IQCJ: variants seen among roughly 807,000 people sequenced by gnomAD.
IQCJ encodes IQ motif containing J, also known as IQ domain-containing protein J.
A neutral mutation model predicts 11.0 loss-of-function variants in IQCJ; 9 were observed. That is an observed-to-expected ratio of 0.82 (90% CI 0.49 to 1.43). The LOEUF (loss-of-function observed/expected upper bound fraction) is 1.43, where lower values mean the gene tolerates loss of function less well. IQCJ is among the 40% of genes most tolerant of loss of function. IQCJ has a pLI of 0.00. For synonymous variants in IQCJ, 55 were observed against 51.3 expected (o/e 1.07, Z -0.31); for missense variants, 146 against 133.2 (o/e 1.10, Z -0.47).
At chr3:159,190,404 T>C (rs1723612751) in intron 1 of IQCJ, among the ~76,000 whole-genome samples, 3 of 152,334 alleles carry the variant, frequency 2.0e-5, no homozygotes, top group Admixed American at 2.0e-4. Context: ...AGTGCTGACT[T>C]CCGAGATTTA....
chr3:159,191,593 G>C (rs1723694648), intron 1 of IQCJ, among the ~76,000 whole-genome samples: 1 of 152,168 alleles, frequency 6.6e-6, no homozygotes, highest in Non-Finnish European at 1.5e-5. Context: ...CAGTTTATTA[G>C]AGTGAGTTCA....
chr3:159,082,181 A>G (rs1008059749), intron 1 of IQCJ, among the ~76,000 whole-genome samples: 24 of 152,264 alleles, frequency 1.6e-4, no homozygotes, highest in African/African-American at 5.3e-4. Flanking sequence ...AGAATAAATA[A>G]CCAACTTAGA....
At chr3:159,160,461 C>T (rs1721774998) in intron 1 of IQCJ, among the ~76,000 whole-genome samples, 1 of 151,656 alleles carries the variant, frequency 6.6e-6, no homozygotes, top group Admixed American at 6.6e-5. Flanking sequence ...TGCCATCACG[C>T]CCAGCTGATT....
At chr3:159,118,185 G>C (rs1401539364) in intron 1 of IQCJ, among the ~76,000 whole-genome samples, 1 of 152,142 alleles carries the variant, frequency 6.6e-6, no homozygotes, top group African/African-American at 2.4e-5. Context: ...AATGATGTAG[G>C]TGTTAGCTTA....
intron 3 of IQCJ, 148 bp downstream of exon 3, chr3:159,252,955 A>C (rs771979918): frequency 3.9e-6 from 3 of 766,722 alleles, no homozygotes; most frequent in Non-Finnish European, 6.3e-6. Flanking sequence ...AAGCAGGAAC[A>C]CAGCTACTTT....
chr3:159,201,364 C>A (rs1370443413), intron 1 of IQCJ, among the ~76,000 whole-genome samples: 1 of 151,960 alleles, frequency 6.6e-6, no homozygotes, highest in African/African-American at 2.4e-5. Context: ...TTAGAAAATG[C>A]CAAACAAAGG....
intron 1 of IQCJ, among the ~76,000 whole-genome samples, chr3:159,109,790 A>G (rs561832032): frequency 6.6e-6 from 1 of 152,338 alleles, no homozygotes; most frequent in African/African-American, 2.4e-5. Context: ...ATTTATTTAC[A>G]GGTGAACATC....
chr3:159,113,074 G>C (rs1718735954), intron 1 of IQCJ, among the ~76,000 whole-genome samples: 1 of 152,166 alleles, frequency 6.6e-6, no homozygotes, highest in South Asian at 2.1e-4. Flanking sequence ...TAACTTTTTG[G>C]TTGATGGGCT....
At chr3:159,255,105 C>T (rs1727821378) in intron 3 of IQCJ, among the ~76,000 whole-genome samples, 1 of 152,170 alleles carries the variant, frequency 6.6e-6, no homozygotes, top group Non-Finnish European at 1.5e-5. Flanking sequence ...AAAATGTGCC[C>T]TTGTCCCAGG....
At chr3:159,078,373 A>T (rs775787555) in intron 1 of IQCJ, among the ~76,000 whole-genome samples, 8 of 152,114 alleles carry the variant, frequency 5.3e-5, no homozygotes, top group Admixed American at 6.6e-5. Context: ...TTGTACTTTC[A>T]AAAGTACCTA....
intron 1 of IQCJ, among the ~76,000 whole-genome samples, chr3:159,088,991 G>A (rs1385326922): frequency 6.6e-6 from 1 of 151,924 alleles, no homozygotes; most frequent in Non-Finnish European, 1.5e-5. Flanking sequence ...TTGCTCATTA[G>A]TTGATGCAGT....
chr3:159,259,071 C>G (rs1395073287), intron 3 of IQCJ, among the ~76,000 whole-genome samples: 1 of 152,202 alleles, frequency 6.6e-6, no homozygotes, highest in Non-Finnish European at 1.5e-5. Flanking sequence ...TCTGGGAACC[C>G]TCTCCTCTCC....
At chr3:159,105,374 T>C (rs567033321) in intron 1 of IQCJ, among the ~76,000 whole-genome samples, 4 of 152,292 alleles carry the variant, frequency 2.6e-5, no homozygotes, top group Admixed American at 6.5e-5. Context: ...TCTGGAGCTG[T>C]AGGCTGACGG....
At chr3:159,160,793 T>C (rs886145625) in intron 1 of IQCJ, among the ~76,000 whole-genome samples, 3 of 151,742 alleles carry the variant, frequency 2.0e-5, no homozygotes, top group Non-Finnish European at 2.9e-5. Flanking sequence ...TTTGGTTTTT[T>C]GTTCTTGCGA....
At chr3:159,211,968 A>AGT (rs1319438363) in intron 1 of IQCJ, among the ~76,000 whole-genome samples, 1 of 151,854 alleles carries the variant, frequency 6.6e-6, no homozygotes, top group Non-Finnish European at 1.5e-5. Context: ...AGCTGAGTTC[A>AGT]GTAGAAAAGT....
chr3:159,125,787 A>T (rs933110191), intron 1 of IQCJ, among the ~76,000 whole-genome samples: 1 of 152,204 alleles, frequency 6.6e-6, no homozygotes, highest in Non-Finnish European at 1.5e-5. Flanking sequence ...AGCCTAATCA[A>T]TCCAAATATG....
intron 1 of IQCJ, chr3:159,069,795 C>T (rs1398223370): frequency 8.2e-6 from 4 of 487,688 alleles, no homozygotes; most frequent in African/African-American, 7.9e-5. Flanking sequence ...TTTTTCACAC[C>T]CATGCAAATG....
intron 1 of IQCJ, among the ~76,000 whole-genome samples, chr3:159,236,912 G>T (rs554319091): frequency 6.6e-6 from 1 of 152,246 alleles, no homozygotes; most frequent in East Asian, 1.9e-4. Context: ...TTATTGAATG[G>T]TCAAAAGCAT....
chr3:159,265,272 C>T, downstream of IQCJ: 1 of 1,613,846 alleles, frequency 6.2e-7, no homozygotes, highest in Non-Finnish European at 8.5e-7. Context: ...GTTGCAGTCA[C>T]CTGGGGACAA....
Sources: allele counts gnomAD v4.1 joint callset (sites outside exome capture counted in the v4.1 genomes callset), GRCh38; gene constraint gnomAD v4.1.1; transcripts MANE v1.5; gene names NCBI Gene and HGNC (gene_info 2026-07-23, HGNC 2026-07-21).